The following GALNT2 variants were observed in gnomAD, a reference collection of about 807,000 sequenced individuals.
GALNT2 encodes the protein polypeptide N-acetylgalactosaminyltransferase 2, also known as UDP-GalNAc:polypeptide N-acetylgalactosaminyltransferase 2.
Under a neutral mutation model 81.4 loss-of-function variants are expected in GALNT2, and 31 were observed. The observed-to-expected ratio is 0.38, with a 90% CI of 0.29 to 0.51. The LOEUF is 0.51. Ranked by LOEUF, GALNT2 falls within the 20% of genes least tolerant of loss-of-function variation. The probability of loss-of-function intolerance (pLI) is 0.87; values close to 1 mark genes in which losing one functional copy is unlikely to be tolerated. For missense variants in GALNT2, 629 were observed against 765.7 expected, an observed-to-expected ratio of 0.82 and a Z score of 2.11; for synonymous variants, 303 against 287.4, an observed-to-expected ratio of 1.05 and a Z score of -0.55.
At position 230,243,300 on chromosome 1, in the gene GALNT2, C is replaced by A; in HGVS notation, c.608-6C>A. The stretch of plus-strand genomic sequence containing the variant: ...TCCTGACGTGCTTTCCAACTCGCCT[C>A]TGCAGGCCTCATGCGCTCACGGGTT... On this transcript the variant is annotated splice_polypyrimidine_tract_variant and splice_region_variant and intron_variant, in intron 6 of 15. Transcript: ENST00000366672. This position sits in a 1 kb window ranked among gnomAD's most constrained non-coding sequence, Gnocchi z 4.2. 1 of 1,599,768 alleles carries A rather than the reference C, an allele frequency of 6.3e-7. No individual in the cohort carries two copies. Among genetic ancestry groups the A allele is most frequent in the Non-Finnish European group, 8.5e-7 (1 of 1,176,376 alleles).
chr1:230,238,816 G>A (rs768828422), intron 6 of GALNT2, among the ~76,000 whole-genome samples: 38 of 152,242 alleles, frequency 2.5e-4, no homozygotes, highest in Non-Finnish European at 4.4e-4. Context: ...TTCTTAAAAT[G>A]TATTTTTCCA....
chr1:230,228,568 A>G (rs1664782435), intron 3 of GALNT2, among the ~76,000 whole-genome samples: 2 of 152,154 alleles, frequency 1.3e-5, no homozygotes, highest in South Asian at 4.1e-4. Context: ...CAGAAAAAAA[A>G]AGAGATTATG....
chr1:230,115,246 C>T (rs1315393329), intron 1 of GALNT2, among the ~76,000 whole-genome samples: 1 of 152,078 alleles, frequency 6.6e-6, no homozygotes, highest in Non-Finnish European at 1.5e-5. Context: ...CCTTGTGATC[C>T]ACCTGCCTCG....
intron 3 of GALNT2, among the ~76,000 whole-genome samples, chr1:230,217,122 G>T (rs980185390): frequency 2.0e-5 from 3 of 152,122 alleles, no homozygotes; most frequent in African/African-American, 4.8e-5. Flanking sequence ...CTCACATTAA[G>T]AGGATGGGGG....
At chr1:230,232,428 A>G (rs1262467473) in intron 3 of GALNT2, among the ~76,000 whole-genome samples, 1 of 152,180 alleles carries the variant, frequency 6.6e-6, no homozygotes, top group East Asian at 1.9e-4. Flanking sequence ...CTCCTGGGAG[A>G]TGAGGCTTCC....
intron 1 of GALNT2, among the ~76,000 whole-genome samples, chr1:230,078,508 C>T (rs1395848560): frequency 6.6e-6 from 1 of 152,222 alleles, no homozygotes; most frequent in African/African-American, 2.4e-5. Flanking sequence ...GTGCTTCTGC[C>T]TCACAGCTCT....
intron 1 of GALNT2, among the ~76,000 whole-genome samples, chr1:230,152,860 C>G (rs1489452138): frequency 6.6e-6 from 1 of 152,208 alleles, no homozygotes; most frequent in South Asian, 2.1e-4. Context: ...GCTCACCTTT[C>G]TTGGACTTCC....
At chr1:230,156,805 G>T (rs959030236) in intron 1 of GALNT2, among the ~76,000 whole-genome samples, 1 of 152,160 alleles carries the variant, frequency 6.6e-6, no homozygotes, top group Non-Finnish European at 1.5e-5. Context: ...ATTTCAGTCA[G>T]TCCCTAAAAT....
intron 1 of GALNT2, among the ~76,000 whole-genome samples, chr1:230,124,283 G>A (rs1260004149): frequency 6.6e-6 from 1 of 152,134 alleles, no homozygotes; most frequent in Non-Finnish European, 1.5e-5. Context: ...AGCAGAGGGA[G>A]AGACACCAAT....
intron 1 of GALNT2, among the ~76,000 whole-genome samples, chr1:230,062,067 CA>C (rs1302899078): frequency 6.6e-6 from 1 of 152,136 alleles, no homozygotes; most frequent in African/African-American, 2.4e-5. Flanking sequence ...GTCTTGCCAA[CA>C]GAATGTTTTG....
chr1:230,115,785 T>C (rs1391183170), intron 1 of GALNT2, among the ~76,000 whole-genome samples: 2 of 152,212 alleles, frequency 1.3e-5, no homozygotes, highest in African/African-American at 4.8e-5. Flanking sequence ...AGGAGTCAGT[T>C]CCCTCAAACC....
At chr1:230,086,289 C>T (rs1163910433) in intron 1 of GALNT2, among the ~76,000 whole-genome samples, 8 of 152,246 alleles carry the variant, frequency 5.3e-5, no homozygotes, top group Middle Eastern at 6.8e-3. Flanking sequence ...GGATACAGCA[C>T]GTTGCTCAGC....
chr1:230,228,311 A>G (rs776984363), intron 3 of GALNT2, among the ~76,000 whole-genome samples: 8 of 152,070 alleles, frequency 5.3e-5, no homozygotes, highest in Non-Finnish European at 8.8e-5. Flanking sequence ...ATTCATCAGG[A>G]AAAGCAAATG....
At chr1:230,122,187 A>G (rs1462956728) in intron 1 of GALNT2, among the ~76,000 whole-genome samples, 1 of 152,218 alleles carries the variant, frequency 6.6e-6, no homozygotes, top group Non-Finnish European at 1.5e-5. Context: ...AAGCATGGGT[A>G]GACAGACAGC....
At chr1:230,140,441 G>A (rs1661693866) in intron 1 of GALNT2, among the ~76,000 whole-genome samples, 1 of 152,236 alleles carries the variant, frequency 6.6e-6, no homozygotes, top group Non-Finnish European at 1.5e-5. Context: ...CAGTGCCTAG[G>A]TGACAGAGAG....
chr1:230,065,148 C>T (rs1659142274), upstream of GALNT2, among the ~76,000 whole-genome samples: 1 of 152,090 alleles, frequency 6.6e-6, no homozygotes, highest in African/African-American at 2.4e-5. Context: ...GTCTTCCTTT[C>T]CTGGCTTTTA....
chr1:230,179,818 CA>C (rs1663102657), intron 2 of GALNT2, among the ~76,000 whole-genome samples: 1 of 152,200 alleles, frequency 6.6e-6, no homozygotes, highest in African/African-American at 2.4e-5. Context: ...TTATTTCCTT[CA>C]TTGTCACGCC....
intron 1 of GALNT2, among the ~76,000 whole-genome samples, chr1:230,092,316 G>A (rs1206652769): frequency 6.6e-6 from 1 of 151,206 alleles, no homozygotes; most frequent in Non-Finnish European, 1.5e-5. Context: ...ACCACAGATG[G>A]CTAATGTCAT....
intron 1 of GALNT2, among the ~76,000 whole-genome samples, chr1:230,075,121 C>CTTTTTTTTTTTTTTTTTTTT (rs34482749): frequency 1.1e-5 from 1 of 92,554 alleles, no homozygotes; most frequent in Non-Finnish European, 1.9e-5. Flanking sequence ...GTCTGTTTTG[C>CTTTTTTTTTTTTTTTTTTTT]TTTTTTTTTT....
Sources: gnomAD v4.1 joint callset for allele counts (sites outside exome capture counted in the v4.1 genomes callset) on GRCh38, gnomAD v4.1.1 for gene constraint, Gnocchi (gnomAD v3.1) non-coding constraint, MANE v1.5 for transcripts, NCBI Gene and HGNC (gene_info 2026-07-23, HGNC 2026-07-21) for gene names.